Variants in LRIT2 observed in about 807,000 individuals in gnomAD.
LRIT2 encodes leucine-rich repeat, immunoglobulin-like domain and transmembrane domain-containing protein 2.
In LRIT2, 23 loss-of-function variants were observed where a neutral mutation model predicts 22.4. That is an observed-to-expected ratio of 1.03 (90% confidence interval 0.74 to 1.45). The LOEUF (loss-of-function observed/expected upper bound fraction) is 1.45. LRIT2 is among the 40% of genes most tolerant of loss of function. LRIT2 has a pLI of 0.00. For missense variants in LRIT2, 784 were observed against 665.6 expected (o/e 1.18, Z -1.96); for synonymous variants, 291 against 267.1 (o/e 1.09, Z -0.87).
chr10:84,224,289 T>C, intron 2 of LRIT2, 44 bp downstream of exon 2: 1 of 1,564,034 alleles, frequency 6.4e-7, no homozygotes, highest in East Asian at 2.2e-5. Context: ...GCTACAGACC[T>C]CTCCATTCCC....
In LRIT2 at chr10:84,222,565, G is replaced by T. The variant is rs1004638084; in HGVS notation, c.1008C>A (p.Ser336Arg). Residue 336 changes from serine to arginine, a missense_variant, in exon 3 of 3, where the codon AGC (serine) becomes AGA (arginine). Coordinates refer to ENST00000372113, the MANE Select transcript of LRIT2 (RefSeq NM_001017924.5). ...GGACATGGAGAGAGATTACAAGGTT[G>T]CTCTTGCCAATGGAGTTGGAGGCCA... ...TCMASNSIGK[S>R]NLVISLHVQP... 3 of 1,613,938 alleles carry T rather than the reference G, an allele frequency of 1.9e-6. No homozygotes were observed. The highest frequency in any genetic ancestry group is 2.7e-5 in the African/African-American group (2 of 74,882).
rs1842519520 is a variant in LRIT2 at position 84,222,421 on chromosome 10, T to C, written c.1152A>G (p.Ala384=). 3 of 1,614,120 alleles carry C rather than the reference T, an allele frequency of 1.9e-6. No homozygotes were observed. In the Admixed American group the frequency reaches 5.0e-5, roughly 27 times the overall value. Residue 384 remains alanine (A), a synonymous_variant, in exon 3 of 3, where the codon GCA becomes GCG. Transcript: ENST00000372113. ...TVHGILLEWL[A]VADTSKEEWF... Reference sequence around the variant, plus strand: ...ACTCCTCCTTAGAGGTGTCAGCCACTGCAAGCCACTCCAGCAAAATCCCAT... The same window carrying C: ...ACTCCTCCTTAGAGGTGTCAGCCACCGCAAGCCACTCCAGCAAAATCCCAT...
rs924773237 is a variant in LRIT2, at chr10:84,221,618, G to C, written c.*302C>G. On this transcript the variant is annotated 3_prime_UTR_variant, in exon 3 of 3. Coordinates refer to ENST00000372113, the MANE Select transcript of LRIT2 (RefSeq NM_001017924.5). ...ACGTATAAGCATGTAAATGTTATAG[G>C]CTAAGTATATGCAAAGAGTAATATT... 2 of 245,242 alleles carry C rather than the reference G, an allele frequency of 8.2e-6. No homozygotes were observed. The highest frequency in any genetic ancestry group is 1.6e-5 in the Non-Finnish European group (2 of 127,890). 15.2% of individuals were successfully genotyped at this position (245,242 alleles called of 1,614,324 possible).
chr10:84,222,595 G>A lies in LRIT2; in HGVS notation c.978C>T (p.Thr326=). 2 of 1,614,086 alleles carry A rather than the reference G, an allele frequency of 1.2e-6. No homozygotes were observed. Among genetic ancestry groups the A allele is most frequent in the Non-Finnish European group, 1.7e-6 (2 of 1,180,020 alleles). The change falls in exon 3 of 3, where the codon ACC becomes ACT. Residue 326 remains threonine, a synonymous_variant. Coordinates refer to ENST00000372113, the MANE Select transcript of LRIT2 (RefSeq NM_001017924.5). ...AAHLVDSGNY[T]CMASNSIGKS... is the part of the protein sequence containing the mutation. ...TGCCAATGGAGTTGGAGGCCATGCAGGTGTAATTACCACTGTCTACCAGGT... is the reference window on the plus strand; with the variant it reads ...TGCCAATGGAGTTGGAGGCCATGCAAGTGTAATTACCACTGTCTACCAGGT...
chr10:84,222,339 C>A lies in LRIT2; in HGVS notation c.1234G>T (p.Gly412Cys). 2 of 1,614,180 alleles carry A rather than the reference C, an allele frequency of 1.2e-6. No homozygotes were observed. Among genetic ancestry groups the A allele is most frequent in the Admixed American group, 3.3e-5 (2 of 60,022 alleles). The change falls in exon 3 of 3, where the codon GGC becomes TGC. Residue 412 changes from glycine (G) to cysteine (C), a missense_variant. Transcript: ENST00000372113. ...ACAGCATAAGTATTGATTCCGGGGC[C>A]AATGTGAACCACCTCCTTCCTGAAG... ...EAFRKEVVHIGPGINTYAVDD... is the reference protein window; with the variant it reads ...EAFRKEVVHICPGINTYAVDD...
intron 2 of LRIT2, among the ~76,000 whole-genome samples, chr10:84,223,561 T>C (rs1163692954): frequency 2.0e-5 from 3 of 150,954 alleles, no homozygotes; most frequent in Non-Finnish European, 4.4e-5. Context: ...TGACTATATT[T>C]CCCAAGTTTT....
At position 84,222,509 on chromosome 10, in the gene LRIT2, G is replaced by T; in HGVS notation, c.1064C>A (p.Ser355Tyr). 1 of 1,614,026 alleles carries T rather than the reference G, an allele frequency of 6.2e-7. No homozygotes were observed. The highest frequency in any genetic ancestry group is 8.5e-7 in the Non-Finnish European group (1 of 1,180,002). ...ATTGCCCTCCGAGGGGATGGAAAGAGAATCAGGTGCATGTAGGGCCTGGGC... is the reference window on the plus strand; with the variant it reads ...ATTGCCCTCCGAGGGGATGGAAAGATAATCAGGTGCATGTAGGGCCTGGGC... ...QPAQALHAPD[S>Y]LSIPSEGNAY... The change falls in exon 3 of 3, where the codon TCT (serine) becomes TAT (tyrosine). Residue 355 changes from serine (S) to tyrosine (Y), a missense_variant. By Grantham distance (144) the Ser-to-Tyr change is moderately radical (BLOSUM62 -2). Transcript: ENST00000372113.
Position 84,225,437 on chromosome 10 carries a change from G to A in LRIT2, c.84C>T (p.Cys28=). ...HAAQPFCLPG[C]TCSEESFGRT... The stretch of plus-strand genomic sequence containing the variant: ...TGCCAAAACTCTCCTCTGAGCAAGT[G>A]CATCCTGGCAGACAGAAAGGCTGAG... Residue 28 remains cysteine, a synonymous_variant, in exon 1 of 3, where the codon TGC becomes TGT. Coordinates refer to ENST00000372113, the MANE Select transcript of LRIT2 (RefSeq NM_001017924.5). The A allele has an allele frequency of 3.7e-6, 6 of 1,614,188 alleles. No individual in the cohort carries two copies. The highest frequency in any genetic ancestry group is 5.1e-6 in the Non-Finnish European group (6 of 1,180,040).
chr10:84,222,488 C>T lies in LRIT2; in HGVS notation c.1085G>A (p.Gly362Asp), dbSNP rs758037517. 13 of 1,613,916 alleles carry T rather than the reference C, an allele frequency of 8.1e-6. No individual in the cohort carries two copies. The Admixed American group carries it at 2.0e-4, about 25-fold the overall frequency. Residue 362 changes from glycine to aspartate, a missense_variant, in exon 3 of 3, where the codon GGC becomes GAC. Coordinates refer to ENST00000372113, the MANE Select transcript of LRIT2 (RefSeq NM_001017924.5). The stretch of plus-strand genomic sequence containing the variant: ...AACCCGCAGGTCAATGTAGGCATTG[C>T]CCTCCGAGGGGATGGAAAGAGAATC... The part of the protein sequence containing the change: ...APDSLSIPSE[G>D]NAYIDLRVVK...
intron 2 of LRIT2, 109 bp from the exon 3 acceptor site, chr10:84,222,789 T>C: frequency 7.5e-7 from 1 of 1,337,956 alleles, no homozygotes; most frequent in Non-Finnish European, 1.0e-6. Flanking sequence ...GTTATTGTTG[T>C]TGTTAGAAGA....
In LRIT2 at chr10:84,221,452, T is replaced by C. The variant is rs1376943924; in HGVS notation, c.*468A>G. On this transcript the variant is annotated 3_prime_UTR_variant, in exon 3 of 3. Coordinates refer to ENST00000372113, the MANE Select transcript of LRIT2 (RefSeq NM_001017924.5). ...CGATGGAACTGGAACCTCTTTTGAATGGGGCTTCTGCCTCCTGCCAGATGT... is the reference window on the plus strand; with the variant it reads ...CGATGGAACTGGAACCTCTTTTGAACGGGGCTTCTGCCTCCTGCCAGATGT... 6.6e-6 allele frequency: 1 copy of C among 152,626 alleles called. No homozygotes were observed. The highest frequency in any genetic ancestry group is 1.5e-5 in the Non-Finnish European group (1 of 68,368). The allele number at this position is 152,626 out of a possible 1,614,324, so 9.5% of individuals were successfully genotyped here. A position where few individuals can be genotyped will look rare whatever the true frequency, so the allele number is the denominator to read the frequency against.
rs1315287828 is a variant in LRIT2, at chr10:84,225,358, C to G, written c.110+53G>C. On this transcript the variant is annotated intron_variant, in intron 1 of 2. Transcript: ENST00000372113. Reference sequence around the variant, plus strand: ...AGCCTGCTTCCACTCCACATCATCCCCAAAGAAAACCCATTCCCCATAACC... The same window carrying G: ...AGCCTGCTTCCACTCCACATCATCCGCAAAGAAAACCCATTCCCCATAACC... The G allele has an allele frequency of 2.5e-6, 4 of 1,576,108 alleles. No homozygotes were observed. In the South Asian group the frequency reaches 3.5e-5, roughly 14 times the overall value.
chr10:84,222,469 C>T lies in LRIT2; in HGVS notation c.1104G>A (p.Leu368=), dbSNP rs762208759. 3 of 1,613,962 alleles carry T rather than the reference C, an allele frequency of 1.9e-6. No homozygotes were observed. In the South Asian group the frequency reaches 3.3e-5, roughly 18 times the overall value. ...IPSEGNAYID[L]RVVKQTVHGI... is the part of the protein sequence containing the mutation. ...CATGCACTGTCTGCTTGACAACCCG[C>T]AGGTCAATGTAGGCATTGCCCTCCG... Residue 368 remains leucine, a synonymous_variant, in exon 3 of 3, where the codon CTG becomes CTA. Transcript: ENST00000372113.
In LRIT2 at chr10:84,220,894, G is replaced by A. The variant is rs966390534; in HGVS notation, c.*1026C>T. On this transcript the variant is annotated 3_prime_UTR_variant, in exon 3 of 3. Transcript: ENST00000372113. ...AGTTCATGTTTACACTCTTAGAAAG[G>A]TTTGCATGTGGCCAGTGAGGGAAAC... The A allele has an allele frequency of 3.9e-5, 6 of 152,250 alleles. No individual in the cohort carries two copies. The highest frequency in any genetic ancestry group is 1.4e-4 in the African/African-American group (6 of 41,454). The allele number at this position is 152,250 out of a possible 1,614,324, so 9.4% of individuals were successfully genotyped here.
chr10:84,222,255 G>T lies in LRIT2; in HGVS notation c.1318C>A (p.Pro440Thr). 6 of 1,614,236 alleles carry T rather than the reference G, an allele frequency of 3.7e-6. No homozygotes were observed. Among genetic ancestry groups the T allele is most frequent in the Non-Finnish European group, 5.1e-6 (6 of 1,180,046 alleles). ...EACLSLEGQP[P>T]HQGQCVAFVT... ...AAAGCTACACACTGGCCCTGGTGTG[G>T]AGGCTGGCCCTCTAGGCTGAGGCAG... The change falls in exon 3 of 3, where the codon CCA (proline) becomes ACA (threonine). Residue 440 changes from proline to threonine, a missense_variant. Transcript: ENST00000372113.
Position 84,224,573 on chromosome 10 carries a change from T to C in LRIT2, c.652A>G (p.Ile218Val). The stretch of plus-strand genomic sequence containing the variant: ...TTCACCAGGATGACTGGGAGGGTAA[T>C]GGACTTGACAAACTGGACAAGCCCC... ...LRGLVQFVKS[I>V]TLPVILVNSY... Residue 218 changes from isoleucine to valine, a missense_variant, in exon 2 of 3, where the codon ATT becomes GTT. Ile to Val is a conservative substitution (Grantham distance 29). Transcript: ENST00000372113. The C allele has an allele frequency of 6.2e-7, 1 of 1,613,764 alleles. No homozygotes were observed. Among genetic ancestry groups the C allele is most frequent in the East Asian group, 2.2e-5 (1 of 44,872 alleles).
chr10:84,225,447 A>G lies in LRIT2; in HGVS notation c.74T>C (p.Leu25Pro). 3 of 1,614,248 alleles carry G rather than the reference A, an allele frequency of 1.9e-6. No individual in the cohort carries two copies. Among genetic ancestry groups the G allele is most frequent in the Non-Finnish European group, 2.5e-6 (3 of 1,180,050 alleles). ...LDTHAAQPFC[L>P]PGCTCSEESF... is the part of the protein sequence containing the mutation. ...CTCCTCTGAGCAAGTGCATCCTGGCAGACAGAAAGGCTGAGCTGCGTGTGT... is the reference window on the plus strand; with the variant it reads ...CTCCTCTGAGCAAGTGCATCCTGGCGGACAGAAAGGCTGAGCTGCGTGTGT... The change falls in exon 1 of 3, where the codon CTG becomes CCG. Residue 25 changes from leucine (L) to proline (P), a missense_variant. Physicochemically the swap from Leu to Pro is moderately conservative, Grantham distance 98 (BLOSUM62 -3). Coordinates refer to ENST00000372113, the MANE Select transcript of LRIT2 (RefSeq NM_001017924.5).
rs757309860 is a variant in LRIT2, at chr10:84,222,034, G to C, written c.1539C>G (p.Ala513=). 19 of 1,610,728 alleles carry C rather than the reference G, an allele frequency of 1.2e-5. No individual in the cohort carries two copies. Among genetic ancestry groups the C allele is most frequent in the Admixed American group, 1.0e-4 (6 of 59,772 alleles). The change falls in exon 3 of 3, where the codon GCC becomes GCG. Residue 513 remains alanine (A), a synonymous_variant. Transcript: ENST00000372113. ...RRKAPSCTPA[A]PQSKDGSFRE... is the part of the protein sequence containing the mutation. ...TAAAGGAGCCATCCTTGGACTGCGG[G>C]GCTGCAGGGGTGCAGCTGGGGGCTT... is the stretch of plus-strand genomic sequence containing the variant.
rs1842497135 is a variant in LRIT2, at chr10:84,220,935, G to A, written c.*985C>T. On this transcript the variant is annotated 3_prime_UTR_variant, in exon 3 of 3. Transcript: ENST00000372113. ...TGAGGGAAACGGCAGGGAGACAGAT[G>A]TGAATTAAATCCTGGGAATGGTCTC... The A allele has an allele frequency of 6.6e-6, 1 of 152,268 alleles. No homozygotes were observed. The highest frequency in any genetic ancestry group is 2.1e-4 in the South Asian group (1 of 4,830). The allele number at this position is 152,268 out of a possible 1,614,324, so 9.4% of individuals were successfully genotyped here.
Sources: allele counts gnomAD v4.1 joint callset (sites outside exome capture counted in the v4.1 genomes callset), GRCh38; gene constraint gnomAD v4.1.1; transcripts MANE v1.5; gene names NCBI Gene and HGNC (gene_info 2026-07-23, HGNC 2026-07-21).